Variants in YPEL2 observed in about 807,000 individuals in gnomAD.
YPEL2 encodes protein yippee-like 2.
YPEL2 carries 2 observed loss-of-function variants against 19.1 expected under a neutral mutation model. The observed-to-expected ratio is 0.10, with a 90% CI of 0.04 to 0.33. The LOEUF (loss-of-function observed/expected upper bound fraction) is 0.33. Among genes scored for constraint, YPEL2 ranks in the 10% least tolerant of loss-of-function variants. The pLI is 1.00. For synonymous variants in YPEL2, 52 were observed against 50.0 expected (o/e 1.04, Z -0.17); for missense variants, 66 against 140.7 (o/e 0.47, Z 2.68).
chr17:59,361,292 ACT>A (rs1567742909), intron 2 of YPEL2, among the ~76,000 whole-genome samples: 1 of 151,920 alleles, frequency 6.6e-6, no homozygotes, highest in South Asian at 2.1e-4. Flanking sequence ...CTAATTACGT[ACT>A]CTGTGTGTGT....
In YPEL2 at chr17:59,353,600, AC is replaced by A; in HGVS notation, c.117+75del. On this transcript the variant is annotated intron_variant, in intron 2 of 4. Coordinates refer to ENST00000312655, the MANE Select transcript of YPEL2 (RefSeq NM_001005404.4). The surrounding 1 kb of genome is among the most constrained non-coding windows in gnomAD (Gnocchi z 4.8). Reference sequence around the variant, plus strand: ...AGTGCTCCTGAAGTTGCAGAGGTTTACAAGCTCTCAAGAATATTTGTACTCC... The same window carrying A: ...AGTGCTCCTGAAGTTGCAGAGGTTTAAAGCTCTCAAGAATATTTGTACTCC... 1 of 1,106,822 alleles carries A rather than the reference AC, an allele frequency of 9.0e-7. No homozygotes were observed. The highest frequency in any genetic ancestry group is 1.4e-6 in the Non-Finnish European group (1 of 720,642). The allele number at this position is 1,106,822 out of a possible 1,614,324, so 68.6% of individuals were successfully genotyped here. A position where few individuals can be genotyped will look rare whatever the true frequency, so the allele number is the denominator to read the frequency against.
intron 2 of YPEL2, chr17:59,354,515 A>G (rs1157249438): frequency 1.3e-5 from 2 of 152,236 alleles, no homozygotes; most frequent in Non-Finnish European, 2.9e-5. Flanking sequence ...CCCCAGCCAG[A>G]GAGGAATGAA....
chr17:59,361,423 T>C (rs2147943722), intron 2 of YPEL2, among the ~76,000 whole-genome samples: 1 of 152,376 alleles, frequency 6.6e-6, no homozygotes, highest in African/African-American at 2.4e-5. Flanking sequence ...TCTTGAAGTT[T>C]CTACTTCATC....
At chr17:59,396,593 T>G (rs1173452602) in intron 4 of YPEL2, among the ~76,000 whole-genome samples, 1 of 152,220 alleles carries the variant, frequency 6.6e-6, no homozygotes, top group African/African-American at 2.4e-5. Flanking sequence ...AAAGTCCTGG[T>G]GTTGCCTCAG....
intron 2 of YPEL2, among the ~76,000 whole-genome samples, chr17:59,357,237 G>C (rs1200435074): frequency 6.6e-6 from 1 of 152,182 alleles, no homozygotes; most frequent in Non-Finnish European, 1.5e-5. Flanking sequence ...GGGGTGGGTT[G>C]GAGGGGATTA....
intron 4 of YPEL2, among the ~76,000 whole-genome samples, chr17:59,394,537 C>T (rs910847450): frequency 4.0e-5 from 6 of 151,288 alleles, no homozygotes; most frequent in East Asian, 2.0e-4. Context: ...GATGGGCGGC[C>T]GGGCAGAGAC....
At chr17:59,345,727 A>G (rs1049274194) in intron 1 of YPEL2, among the ~76,000 whole-genome samples, 1 of 152,088 alleles carries the variant, frequency 6.6e-6, no homozygotes, top group Non-Finnish European at 1.5e-5. Context: ...GGTCTTGTGA[A>G]TAGGAACAAT....
At chr17:59,388,506 A>T in intron 3 of YPEL2, 136 bp downstream of exon 3, 1 of 879,654 alleles carries the variant, frequency 1.1e-6, no homozygotes, top group South Asian at 1.4e-5. Flanking sequence ...TACTGTCCAC[A>T]ATTGGTAGTC....
chr17:59,394,460 C>A (rs2048027590), intron 4 of YPEL2, among the ~76,000 whole-genome samples: 1 of 150,978 alleles, frequency 6.6e-6, no homozygotes, highest in Non-Finnish European at 1.5e-5. Context: ...GGGATGGCGG[C>A]CGGGAAGAGG....
In YPEL2 at chr17:59,401,348, G is replaced by A. The variant is rs1455924390; in HGVS notation, c.*4158G>A. 1 of 152,592 alleles carries A rather than the reference G, an allele frequency of 6.6e-6. No homozygotes were observed. The highest frequency in any genetic ancestry group is 1.5e-5 in the Non-Finnish European group (1 of 68,010). 9.5% of individuals were successfully genotyped at this position (152,592 alleles called of 1,614,324 possible). A position where few individuals can be genotyped will look rare whatever the true frequency, so the allele number is the denominator to read the frequency against. On this transcript the variant is annotated 3_prime_UTR_variant, in exon 5 of 5. Transcript: ENST00000312655. ...AATAGTTATGAAATCTGGCAGAAAA[G>A]GTAAAGCCTAGAAGAAACTATGAAA...
chr17:59,339,713 C>A (rs913680888), intron 1 of YPEL2, among the ~76,000 whole-genome samples: 5 of 152,036 alleles, frequency 3.3e-5, no homozygotes, highest in African/African-American at 1.2e-4. Context: ...GGATTTGAAT[C>A]CTGGTTTTGG....
intron 4 of YPEL2, among the ~76,000 whole-genome samples, chr17:59,392,276 C>G (rs2048011225): frequency 6.6e-6 from 1 of 152,084 alleles, no homozygotes; most frequent in Non-Finnish European, 1.5e-5. Flanking sequence ...TAAAACAATT[C>G]ATTCTTTTGA....
chr17:59,391,276 A>G (rs2048006160), intron 4 of YPEL2, among the ~76,000 whole-genome samples: 1 of 152,154 alleles, frequency 6.6e-6, no homozygotes, highest in Non-Finnish European at 1.5e-5. Context: ...AGGTTCATCC[A>G]TTGTAACAAA....
chr17:59,359,980 A>G (rs1326497951), intron 2 of YPEL2, among the ~76,000 whole-genome samples: 1 of 152,068 alleles, frequency 6.6e-6, no homozygotes, highest in Non-Finnish European at 1.5e-5. Context: ...GCTCACTGCA[A>G]CCTCCGCCTC....
Position 59,375,009 on chromosome 17 carries a change from A to G in YPEL2, c.118-13318A>G, listed in dbSNP as rs141535984. On this transcript the variant is annotated intron_variant, in intron 2 of 4. Transcript: ENST00000312655. The stretch of plus-strand genomic sequence containing the variant: ...CCAAGGATCTAAAGATGGAGGAATC[A>G]GGAAGCTCTAAGGAGAAAGAGCTCA... Among the ~76,000 whole-genome samples the G allele has an allele frequency of 4.5e-3, 683 of 152,340 alleles. 7 individuals carry two copies. The highest frequency in any genetic ancestry group is 0.016 in the African/African-American group (651 of 41,564).
intron 1 of YPEL2, among the ~76,000 whole-genome samples, chr17:59,347,823 G>A (rs1344385560): frequency 3.3e-5 from 5 of 152,054 alleles, no homozygotes; most frequent in African/African-American, 4.8e-5. Context: ...CTACACACAG[G>A]CATCAGGTTC....
At chr17:59,357,884 T>C (rs1304158206) in intron 2 of YPEL2, among the ~76,000 whole-genome samples, 1 of 152,174 alleles carries the variant, frequency 6.6e-6, no homozygotes, top group African/African-American at 2.4e-5. Flanking sequence ...TTTAGTGCTC[T>C]GGGTCCTGGA....
chr17:59,378,411 C>A (rs1340125114), intron 2 of YPEL2, among the ~76,000 whole-genome samples: 1 of 150,356 alleles, frequency 6.7e-6, no homozygotes, highest in Non-Finnish European at 1.5e-5. Context: ...GTGGCGTGAT[C>A]TCAGCTCACT....
chr17:59,396,076 G>A (rs1227958323), intron 4 of YPEL2, among the ~76,000 whole-genome samples: 3 of 152,016 alleles, frequency 2.0e-5, no homozygotes, highest in South Asian at 2.1e-4. Context: ...GCAAGACTCC[G>A]TCTCAAAATA....
Sources: gnomAD v4.1 joint callset for allele counts (sites outside exome capture counted in the v4.1 genomes callset) on GRCh38, gnomAD v4.1.1 for gene constraint, Gnocchi (gnomAD v3.1) non-coding constraint, MANE v1.5 for transcripts, NCBI Gene and HGNC (gene_info 2026-07-23, HGNC 2026-07-21) for gene names.